The following NOL9 variants were observed in gnomAD, a reference collection of about 807,000 sequenced individuals.
NOL9 encodes the protein nucleolar protein 9, also known as polynucleotide 5'-hydroxyl-kinase NOL9.
In NOL9, 28 loss-of-function variants were observed where a neutral mutation model predicts 67.9. The observed-to-expected ratio is 0.41, with a 90% CI of 0.31 to 0.57. The LOEUF is 0.57. NOL9 is among the 20% of genes least tolerant of loss of function. The pLI is 0.25. For synonymous variants in NOL9, 356 were observed against 352.2 expected (o/e 1.01, Z -0.12); for missense variants, 777 against 897.0 (o/e 0.87, Z 1.71).
intron 10 of NOL9, among the ~76,000 whole-genome samples, chr1:6,527,148 G>C (rs1206145736): frequency 6.6e-6 from 1 of 151,928 alleles, no homozygotes; most frequent in Admixed American, 6.6e-5. Context: ...TCGGGAGGCC[G>C]AGACAGGAGA....
chr1:6,554,268 T>C lies in NOL9; in HGVS notation c.235A>G (p.Asn79Asp), dbSNP rs1570095428. Residue 79 changes from asparagine to aspartate, a missense_variant, in exon 1 of 12, where the codon AAC becomes GAC. Physicochemically the swap from Asn to Asp is conservative, Grantham distance 23. This residue lies in a region of NOL9 where 364 missense variants were observed against 344.4 expected (regional missense o/e 1.06). Transcript: ENST00000377705. ...VSRAAAARRP[N>D]TATPSPIPSP... Reference sequence around the variant, plus strand: ...GGGATCGGGCTGGGGGTCGCGGTGTTGGGTCTCCGGGCCGCCGCCGCGCGC... The same window carrying C: ...GGGATCGGGCTGGGGGTCGCGGTGTCGGGTCTCCGGGCCGCCGCCGCGCGC... 4.1e-6 allele frequency: 6 copies of C among 1,478,580 alleles called. No homozygotes were observed. The highest frequency in any genetic ancestry group is 5.4e-6 in the Non-Finnish European group (6 of 1,116,886). 91.6% of individuals were successfully genotyped at this position (1,478,580 alleles called of 1,614,324 possible).
intron 1 of NOL9, among the ~76,000 whole-genome samples, chr1:6,551,183 C>A (rs1639536613): frequency 6.6e-6 from 1 of 151,882 alleles, no homozygotes; most frequent in Non-Finnish European, 1.5e-5. Context: ...CAGTGGCATG[C>A]CTCTGTGGTC....
chr1:6,549,964 C>A (rs548668312), intron 2 of NOL9, among the ~76,000 whole-genome samples: 1 of 152,134 alleles, frequency 6.6e-6, no homozygotes, highest in East Asian at 1.9e-4. Context: ...ACTCTCAGGA[C>A]CCTCGTAAGG....
intron 6 of NOL9, chr1:6,540,854 G>A (rs1181917661): frequency 6.6e-6 from 1 of 151,702 alleles, no homozygotes; most frequent in African/African-American, 2.4e-5. Context: ...AAGCAAGGTG[G>A]TACTTACTCC....
At chr1:6,532,143 G>T in intron 8 of NOL9, 64 bp from the exon 9 acceptor site, 1 of 1,225,520 alleles carries the variant, frequency 8.2e-7, no homozygotes, top group Non-Finnish European at 1.2e-6. Context: ...TCCCACACCT[G>T]TCATCACAGA....
In NOL9 at chr1:6,545,106, T is replaced by C; in HGVS notation, c.819A>G (p.Lys273=). The change falls in exon 4 of 12, where the codon AAA becomes AAG. Residue 273 remains lysine (K), a synonymous_variant. Coordinates refer to ENST00000377705, the MANE Select transcript of NOL9 (RefSeq NM_024654.5). ...GGGTACTCTCAGTTAACTGAAGGCC[T>C]TTCCTTTTTTTCTCTCTTCTGATGC... is the stretch of plus-strand genomic sequence containing the variant. The part of the protein sequence containing the change: ...SVGIRREKKR[K]GLQLTESTLS... 1.2e-6 allele frequency: 2 copies of C among 1,614,202 alleles called. No individual in the cohort carries two copies. Among genetic ancestry groups the C allele is most frequent in the Non-Finnish European group, 1.7e-6 (2 of 1,180,020 alleles).
chr1:6,543,617 T>G (rs11122088), intron 5 of NOL9, among the ~76,000 whole-genome samples: 124,397 of 152,110 alleles, frequency 0.82, 51,737 homozygotes, highest in Non-Finnish European at 0.89. Flanking sequence ...CTCCCACTTT[T>G]GCCTCCCAAA....
At chr1:6,532,157 C>G in intron 8 of NOL9, 78 bp from the exon 9 acceptor site, 1 of 1,092,448 alleles carries the variant, frequency 9.2e-7, no homozygotes, top group Non-Finnish European at 1.4e-6. Flanking sequence ...TCACAGAGGT[C>G]ACATTTTCAC....
intron 1 of NOL9, among the ~76,000 whole-genome samples, chr1:6,551,428 G>A (rs1174582170): frequency 4.2e-5 from 3 of 71,560 alleles, no homozygotes; most frequent in African/African-American, 1.1e-4. Context: ...CCCCACCCCC[G>A]CCACCACCAT....
chr1:6,549,113 C>T (rs148785907), intron 3 of NOL9: 1,928 of 154,690 alleles, frequency 0.012, 31 homozygotes, highest in African/African-American at 0.035. Context: ...AAAAATTAGC[C>T]GGGCATGGTG....
chr1:6,538,402 G>A (rs561026003), intron 6 of NOL9, among the ~76,000 whole-genome samples: 2 of 152,274 alleles, frequency 1.3e-5, no homozygotes, highest in Non-Finnish European at 2.9e-5. Context: ...ACCGGATGCC[G>A]TGGCTCACGC....
Position 6,545,118 on chromosome 1 carries a change from C to G in NOL9, c.807G>C (p.Glu269Asp). Residue 269 changes from glutamate (E) to aspartate (D), a missense_variant, in exon 4 of 12, where the codon GAG becomes GAC. By Grantham distance (45) the Glu-to-Asp change is conservative. Coordinates refer to ENST00000377705, the MANE Select transcript of NOL9 (RefSeq NM_024654.5). The part of the protein sequence containing the change: ...LALRSVGIRR[E>D]KKRKGLQLTE... Reference sequence around the variant, plus strand: ...TTAACTGAAGGCCTTTCCTTTTTTTCTCTCTTCTGATGCCAACAGACCTCA... The same window carrying G: ...TTAACTGAAGGCCTTTCCTTTTTTTGTCTCTTCTGATGCCAACAGACCTCA... The G allele has an allele frequency of 6.2e-7, 1 of 1,614,006 alleles. No homozygotes were observed. The highest frequency in any genetic ancestry group is 8.5e-7 in the Non-Finnish European group (1 of 1,179,960).
chr1:6,529,856 G>A (rs1424762632), intron 9 of NOL9, among the ~76,000 whole-genome samples: 7 of 152,150 alleles, frequency 4.6e-5, no homozygotes, highest in South Asian at 2.1e-4. Context: ...AACCCAGGAG[G>A]CGGAGGTTGC....
At chr1:6,544,224 A>G (rs1426009299) in intron 5 of NOL9, among the ~76,000 whole-genome samples, 5 of 152,014 alleles carry the variant, frequency 3.3e-5, no homozygotes, top group Admixed American at 6.6e-5. Context: ...TCAAGGCTGC[A>G]GCAAGCCCTG....
intron 5 of NOL9, among the ~76,000 whole-genome samples, chr1:6,542,163 ATT>A (rs5772238): frequency 0.014 from 1,947 of 139,854 alleles, 22 homozygotes; most frequent in African/African-American, 0.034. Context: ...GCTCTTTCAG[ATT>A]TTTTTTTTTT....
chr1:6,539,840 G>C (rs553440926), intron 6 of NOL9, among the ~76,000 whole-genome samples: 1 of 152,300 alleles, frequency 6.6e-6, no homozygotes, highest in South Asian at 2.1e-4. Flanking sequence ...ATACTATGCT[G>C]AGTGAAATAA....
chr1:6,535,183 G>C (rs1221443449), intron 6 of NOL9, among the ~76,000 whole-genome samples: 2 of 152,170 alleles, frequency 1.3e-5, no homozygotes, highest in African/African-American at 4.8e-5. Context: ...ACATATGTAT[G>C]TTTGGGTTTA....
chr1:6,528,887 G>T, intron 10 of NOL9, 107 bp downstream of exon 10: 1 of 1,124,910 alleles, frequency 8.9e-7, no homozygotes, highest in Non-Finnish European at 1.3e-6. Flanking sequence ...GGGGTTCTCT[G>T]ACCTCTGTAG....
In NOL9 at chr1:6,525,581, C is replaced by T. The variant is rs1204973497; in HGVS notation, c.*273G>A. On this transcript the variant is annotated 3_prime_UTR_variant, in exon 12 of 12. Transcript: ENST00000377705. ...CCCTGAAGAACTTTCTGAGGAATCTCTGTTTTAATGGCACACAAACTGTTC... is the reference window on the plus strand; with the variant it reads ...CCCTGAAGAACTTTCTGAGGAATCTTTGTTTTAATGGCACACAAACTGTTC... The T allele has an allele frequency of 1.0e-5, 4 of 389,964 alleles. No homozygotes were observed. The highest frequency in any genetic ancestry group is 2.0e-5 in the African/African-American group (1 of 49,512). 24.2% of individuals were successfully genotyped at this position (389,964 alleles called of 1,614,324 possible).
Sources: allele counts gnomAD v4.1 joint callset (sites outside exome capture counted in the v4.1 genomes callset), GRCh38; gene constraint gnomAD v4.1.1; regional missense constraint gnomAD v4.1.1; transcripts MANE v1.5; gene names NCBI Gene and HGNC (gene_info 2026-07-23, HGNC 2026-07-21).